The following DPP8 variants were observed in gnomAD, a reference collection of about 807,000 sequenced individuals.
DPP8 encodes dipeptidyl peptidase 8.
DPP8 carries 31 observed loss-of-function variants against 107.5 expected under a neutral mutation model. The ratio of observed to expected loss-of-function variants is 0.29; its 90% CI spans 0.22 to 0.39. The LOEUF (loss-of-function observed/expected upper bound fraction) is 0.39, where lower values mean the gene tolerates loss of function less well. Among genes scored for constraint, DPP8 ranks in the 10% least tolerant of loss-of-function variants. The probability of loss-of-function intolerance (pLI) is 1.00; values close to 1 mark genes in which losing one functional copy is unlikely to be tolerated. For missense variants in DPP8, 842 were observed against 1,076.1 expected (o/e 0.78, Z 3.04); for synonymous variants, 381 against 356.6 (o/e 1.07, Z -0.77).
chr15:65,450,755 C>A, intron 19 of DPP8: 1 of 331,296 alleles, frequency 3.0e-6, no homozygotes, highest in Non-Finnish European at 5.4e-6. Flanking sequence ...TTCCATGCTT[C>A]CAAACTGAAA....
At chr15:65,484,730 T>G (rs913472279) in intron 8 of DPP8, among the ~76,000 whole-genome samples, 1 of 151,388 alleles carries the variant, frequency 6.6e-6, no homozygotes. Flanking sequence ...TTATAAGCAC[T>G]TGGCTGTCGA....
chr15:65,479,174 T>C (rs1006508122), intron 10 of DPP8, 135 bp from the exon 11 acceptor site: 2 of 562,354 alleles, frequency 3.6e-6, no homozygotes, highest in African/African-American at 4.0e-5. Flanking sequence ...ATGCTATATT[T>C]ACAGTAATAA....
At chr15:65,474,123 G>A in intron 12 of DPP8, 86 bp downstream of exon 12, 5 of 1,016,314 alleles carry the variant, frequency 4.9e-6, no homozygotes, top group Non-Finnish European at 6.2e-6. Flanking sequence ...AAATACCGGG[G>A]TCATATTAAA....
intron 14 of DPP8, among the ~76,000 whole-genome samples, chr15:65,464,535 T>C (rs1274850466): frequency 6.6e-6 from 1 of 151,588 alleles, no homozygotes; most frequent in East Asian, 1.9e-4. Context: ...ATACAAAAAT[T>C]ACCCAGGCAT....
rs202185126 is a variant in DPP8 at position 65,446,887 on chromosome 15, T to C, written c.2646A>G (p.Ile882Met). The change falls in exon 20 of 20, where the codon ATA becomes ATG. Residue 882 changes from isoleucine (I) to methionine (M), a missense_variant. This residue lies in a region of DPP8 where 179 missense variants were observed against 318.0 expected (regional missense o/e 0.56). Coordinates refer to ENST00000300141, the MANE Select transcript of DPP8 (RefSeq NM_130434.5). ...GAGAGTTCTACACAGGTCAAAATTA[T>C]ATCACTTTTAGAGCAGCAATACGTG... Reference protein sequence around the residue: ...LGSRIAALKVI With the variant: ...LGSRIAALKVM 3.4e-5 allele frequency: 54 copies of C among 1,610,448 alleles called. No homozygotes were observed. The East Asian group carries it at 1.2e-3, about 35-fold the overall frequency.
chr15:65,515,816 G>A, intron 1 of DPP8: 1 of 900,726 alleles, frequency 1.1e-6, no homozygotes, highest in Non-Finnish European at 1.7e-6. Context: ...AATGAAATAA[G>A]ATAAGACTTT....
At chr15:65,448,919 TA>T (rs2063755160) in intron 19 of DPP8, among the ~76,000 whole-genome samples, 7 of 88,656 alleles carry the variant, frequency 7.9e-5, no homozygotes, top group African/African-American at 3.0e-4. Flanking sequence ...TATATATATA[TA>T]TATTTAGCCT....
intron 14 of DPP8, among the ~76,000 whole-genome samples, chr15:65,465,565 C>A (rs1354545558): frequency 6.9e-6 from 1 of 144,242 alleles, no homozygotes; most frequent in Non-Finnish European, 1.5e-5. Flanking sequence ...AAAACCAGTC[C>A]ATTCTTTTTT....
At chr15:65,469,332 G>C (rs2065644381) in intron 12 of DPP8, among the ~76,000 whole-genome samples, 1 of 151,450 alleles carries the variant, frequency 6.6e-6, no homozygotes, top group African/African-American at 2.4e-5. Context: ...TGTTGGTCCA[G>C]CACTTTGAGA....
intron 2 of DPP8, among the ~76,000 whole-genome samples, chr15:65,508,353 C>T (rs893646261): frequency 2.6e-5 from 4 of 152,136 alleles, no homozygotes; most frequent in Non-Finnish European, 2.9e-5. Flanking sequence ...CTGAAAATCT[C>T]TTTGTCCTTT....
chr15:65,446,444 T>A lies in DPP8; in HGVS notation c.*440A>T, dbSNP rs530793509. The A allele has an allele frequency of 2.6e-5, 4 of 152,858 alleles. No individual in the cohort carries two copies. The highest frequency in any genetic ancestry group is 9.6e-5 in the African/African-American group (4 of 41,602). 9.5% of individuals were successfully genotyped at this position (152,858 alleles called of 1,614,324 possible). ...AAGCTATTCAATTACATTTAAGTGC[T>A]ATCAAATCTGTAACTAGTCAAAGAT... On this transcript the variant is annotated 3_prime_UTR_variant, in exon 20 of 20. Coordinates refer to ENST00000300141, the MANE Select transcript of DPP8 (RefSeq NM_130434.5).
At chr15:65,455,436 C>T (rs1343726838) in intron 16 of DPP8, 4 of 198,486 alleles carry the variant, frequency 2.0e-5, no homozygotes, top group East Asian at 2.8e-4. Context: ...ACCTGGCCTA[C>T]TTCTCCTTTT....
chr15:65,503,200 C>T (rs961368076), intron 3 of DPP8, among the ~76,000 whole-genome samples: 9 of 152,150 alleles, frequency 5.9e-5, no homozygotes, highest in Admixed American at 5.9e-4. Flanking sequence ...CTCTGCCTCC[C>T]GGGTTCAAGA....
chr15:65,450,235 TG>T (rs1217041926), intron 19 of DPP8, among the ~76,000 whole-genome samples: 1 of 152,194 alleles, frequency 6.6e-6, no homozygotes, highest in Admixed American at 6.5e-5. Context: ...CCTAAAGTGC[TG>T]GGATTACAGG....
chr15:65,506,487 G>A (rs1251419286), intron 3 of DPP8, among the ~76,000 whole-genome samples: 3 of 150,794 alleles, frequency 2.0e-5, no homozygotes, highest in Non-Finnish European at 3.0e-5. Flanking sequence ...GGTGGCTCAC[G>A]CCTGTAATCT....
At chr15:65,461,608 CTT>C (rs34738565) in intron 15 of DPP8, among the ~76,000 whole-genome samples, 1 of 145,996 alleles carries the variant, frequency 6.8e-6, no homozygotes. Flanking sequence ...TCTATTAAGC[CTT>C]TTTTTTTTTT....
intron 14 of DPP8, among the ~76,000 whole-genome samples, chr15:65,465,448 A>T (rs937291101): frequency 6.6e-6 from 1 of 150,900 alleles, no homozygotes; most frequent in Non-Finnish European, 1.5e-5. Context: ...GATTACAGGC[A>T]TGAGCCACTA....
chr15:65,479,707 G>A (rs1045412814), intron 10 of DPP8, among the ~76,000 whole-genome samples: 13 of 151,598 alleles, frequency 8.6e-5, no homozygotes, highest in African/African-American at 2.7e-4. Flanking sequence ...AGCCGGGCGC[G>A]GTGGCGGGCG....
chr15:65,451,816 C>T, intron 18 of DPP8, 144 bp downstream of exon 18: 1 of 777,746 alleles, frequency 1.3e-6, no homozygotes. Context: ...AACCCAGCTA[C>T]TCGGGGGCTG....
Sources: allele counts gnomAD v4.1 joint callset (sites outside exome capture counted in the v4.1 genomes callset), GRCh38; gene constraint gnomAD v4.1.1; regional missense constraint gnomAD v4.1.1; transcripts MANE v1.5; gene names NCBI Gene and HGNC (gene_info 2026-07-23, HGNC 2026-07-21).